The following DPP10 variants were observed in gnomAD, a reference collection of about 807,000 sequenced individuals.
DPP10 encodes the protein dipeptidyl peptidase like 10, also known as inactive dipeptidyl peptidase 10.
A neutral mutation model predicts 120.9 loss-of-function variants in DPP10; 33 were observed. That is an observed-to-expected ratio of 0.27 (90% CI 0.21 to 0.37). The LOEUF is 0.37. DPP10 is among the 10% of genes least tolerant of loss of function. The pLI, the probability that DPP10 is intolerant of heterozygous loss-of-function variation, is 1.00. For missense variants in DPP10, 816 were observed against 942.8 expected (o/e 0.87, Z 1.76); for synonymous variants, 337 against 326.1 (o/e 1.03, Z -0.36).
rs568477581 is a variant in DPP10 at position 115,713,032 on chromosome 2, T to C, written c.577-14784T>C. On this transcript the variant is annotated intron_variant, in intron 7 of 25. Coordinates refer to ENST00000410059, the MANE Select transcript of DPP10 (RefSeq NM_020868.6). Reference sequence around the variant, plus strand: ...CCTATTAGAATTTTTTTTTAGAAAATCACTCTTCTACAATGAGGAGCCAAA... The same window carrying C: ...CCTATTAGAATTTTTTTTTAGAAAACCACTCTTCTACAATGAGGAGCCAAA... Among the ~76,000 whole-genome samples, 20 of 152,020 alleles carry C rather than the reference T, an allele frequency of 1.3e-4. No individual in the cohort carries two copies. The South Asian group carries it at 4.2e-3, about 32-fold the overall frequency.
At chr2:115,179,662 A>G (rs755261141) in intron 1 of DPP10, among the ~76,000 whole-genome samples, 5 of 152,166 alleles carry the variant, frequency 3.3e-5, no homozygotes, top group African/African-American at 4.8e-5. Context: ...TACCTCGATA[A>G]ATTATAAGCT....
chr2:115,366,380 A>G (rs1371653717), intron 3 of DPP10, among the ~76,000 whole-genome samples: 1 of 152,020 alleles, frequency 6.6e-6, no homozygotes, highest in East Asian at 1.9e-4. Context: ...TTCTATGAAT[A>G]TCTCAATTAT....
intron 2 of DPP10, among the ~76,000 whole-genome samples, chr2:115,335,125 G>A (rs528891506): frequency 1.0e-3 from 152 of 151,852 alleles, no homozygotes; most frequent in Middle Eastern, 6.8e-3. Context: ...CCTTGTGCAG[G>A]GAAACTGCCA....
intron 5 of DPP10, among the ~76,000 whole-genome samples, chr2:115,684,001 C>T (rs2090827137): frequency 6.6e-6 from 1 of 151,766 alleles, no homozygotes; most frequent in Non-Finnish European, 1.5e-5. Flanking sequence ...CCATCCAAAC[C>T]TGAAGGATAG....
intron 20 of DPP10, 53 bp downstream of exon 20, chr2:115,815,040 T>A: frequency 6.7e-7 from 1 of 1,500,448 alleles, no homozygotes; most frequent in Non-Finnish European, 9.1e-7. Flanking sequence ...AGAGTCTTGG[T>A]ATATGACATA....
chr2:115,551,379 G>A (rs1006341), intron 5 of DPP10, among the ~76,000 whole-genome samples: 27,312 of 152,070 alleles, frequency 0.18, 3,256 homozygotes, highest in East Asian at 0.39. Context: ...AGACTGGGCT[G>A]TAGTTAAGGC....
intron 4 of DPP10, among the ~76,000 whole-genome samples, chr2:115,507,032 G>GCA (rs34873744): frequency 0.37 from 54,606 of 148,692 alleles, 10,208 homozygotes; most frequent in East Asian, 0.63. Context: ...ACACACGCAC[G>GCA]CGCACACACA....
At chr2:115,447,923 G>A (rs2072759107) in intron 3 of DPP10, among the ~76,000 whole-genome samples, 1 of 152,154 alleles carries the variant, frequency 6.6e-6, no homozygotes, top group Admixed American at 6.6e-5. Flanking sequence ...GATACCAAAA[G>A]GTGATGGATA....
At position 114,550,491 on chromosome 2, in the gene DPP10, A is replaced by G. The variant is rs553759300; in HGVS notation, c.60+107653A>G. The stretch of plus-strand genomic sequence containing the variant: ...AAGGAGCAGGGCTGGGACTTCGACC[A>G]GACATCTGCTGGCAGAGTCGGTGCT... On this transcript the variant is annotated intron_variant, in intron 1 of 25. Transcript: ENST00000410059. Among the ~76,000 whole-genome samples, 11 of 152,374 alleles carry G rather than the reference A, an allele frequency of 7.2e-5. No homozygotes were observed. In the East Asian group the frequency reaches 2.1e-3, roughly 29 times the overall value.
At chr2:115,277,093 C>G (rs1251408180) in intron 1 of DPP10, among the ~76,000 whole-genome samples, 1 of 152,118 alleles carries the variant, frequency 6.6e-6, no homozygotes, top group Non-Finnish European at 1.5e-5. Flanking sequence ...TTTTATAATA[C>G]TTATAACTTA....
intron 3 of DPP10, among the ~76,000 whole-genome samples, chr2:115,378,225 T>TC: frequency 6.6e-6 from 1 of 152,066 alleles, no homozygotes; most frequent in African/African-American, 2.4e-5. Context: ...CTCTTTTATT[T>TC]CATCGAGCAG....
intron 5 of DPP10, among the ~76,000 whole-genome samples, chr2:115,666,812 G>C (rs192850160): frequency 1.3e-5 from 2 of 152,064 alleles, no homozygotes; most frequent in Non-Finnish European, 2.9e-5. Flanking sequence ...GTTCTTTCAG[G>C]TTCTTTGAAA....
intron 3 of DPP10, among the ~76,000 whole-genome samples, chr2:115,416,629 C>T (rs1266090633): frequency 6.6e-6 from 1 of 152,078 alleles, no homozygotes; most frequent in African/African-American, 2.4e-5. Context: ...GAAAATCTTC[C>T]TTAGATATTC....
chr2:114,450,600 T>A (rs1173786833), intron 1 of DPP10, among the ~76,000 whole-genome samples: 1 of 152,126 alleles, frequency 6.6e-6, no homozygotes, highest in Non-Finnish European at 1.5e-5. Context: ...TTGGTCTTTG[T>A]TGAGCTAAGC....
chr2:115,503,880 G>A (rs2076811382), intron 4 of DPP10, among the ~76,000 whole-genome samples: 1 of 152,090 alleles, frequency 6.6e-6, no homozygotes, highest in Non-Finnish European at 1.5e-5. Context: ...GGTCAGAAAT[G>A]TGCATCCTAC....
chr2:115,002,347 C>T (rs1289002662), intron 1 of DPP10, among the ~76,000 whole-genome samples: 1 of 152,104 alleles, frequency 6.6e-6, no homozygotes, highest in African/African-American at 2.4e-5. Flanking sequence ...TGACCGCTTC[C>T]TCATACCATA....
At chr2:114,738,071 T>G (rs1034933985) in intron 1 of DPP10, among the ~76,000 whole-genome samples, 1 of 151,850 alleles carries the variant, frequency 6.6e-6, no homozygotes, top group African/African-American at 2.4e-5. Flanking sequence ...GCAGGAGAGA[T>G]AAAAAGAGAA....
chr2:115,275,226 G>T (rs949217236), intron 1 of DPP10, among the ~76,000 whole-genome samples: 2 of 152,150 alleles, frequency 1.3e-5, no homozygotes, highest in African/African-American at 4.8e-5. Flanking sequence ...CCTTTGAGAA[G>T]TACTCTTGGA....
chr2:115,579,135 G>A (rs958301354), intron 5 of DPP10: 2 of 152,158 alleles, frequency 1.3e-5, no homozygotes, highest in Admixed American at 6.5e-5. Context: ...AGACAGAGTT[G>A]CTTATCCAAG....
Sources: allele counts gnomAD v4.1 joint callset (sites outside exome capture counted in the v4.1 genomes callset), GRCh38; gene constraint gnomAD v4.1.1; transcripts MANE v1.5; gene names NCBI Gene and HGNC (gene_info 2026-07-23, HGNC 2026-07-21).